Variants in DCC observed in about 807,000 individuals in gnomAD.
The protein encoded by DCC is DCC netrin 1 receptor.
Under a neutral mutation model 172.5 loss-of-function variants are expected in DCC, and 58 were observed. That is an observed-to-expected ratio of 0.34 (90% CI 0.27 to 0.42). The LOEUF (loss-of-function observed/expected upper bound fraction) is 0.42, where lower values mean the gene tolerates loss of function less well. Among genes scored for constraint, DCC ranks in the 10% least tolerant of loss-of-function variants. The probability of loss-of-function intolerance (pLI) is 1.00; values close to 1 mark genes in which losing one functional copy is unlikely to be tolerated. For synonymous variants in DCC, 709 were observed against 644.5 expected (o/e 1.10, Z -1.52); for missense variants, 1,740 against 1,791.0 (o/e 0.97, Z 0.51).
At chr18:53,465,925 C>T (rs1046186179) in intron 24 of DCC, among the ~76,000 whole-genome samples, 7 of 151,858 alleles carry the variant, frequency 4.6e-5, no homozygotes, top group Admixed American at 1.3e-4. Flanking sequence ...CCACCACTCC[C>T]GGCTAATTTT....
At chr18:53,215,380 A>T (rs1170628677) in intron 11 of DCC, among the ~76,000 whole-genome samples, 168 bp from the exon 12 acceptor site, 1 of 152,092 alleles carries the variant, frequency 6.6e-6, no homozygotes, top group East Asian at 1.9e-4. Context: ...AGACAAATAC[A>T]GTTATTTTTC....
chr18:52,602,952 C>T (rs138751104), intron 1 of DCC, among the ~76,000 whole-genome samples: 12 of 152,108 alleles, frequency 7.9e-5, no homozygotes, highest in South Asian at 2.1e-4. Flanking sequence ...AGAGGATAGA[C>T]GGGCTTTTCC....
intron 15 of DCC, among the ~76,000 whole-genome samples, chr18:53,348,202 AC>A (rs1285754712): frequency 2.0e-5 from 3 of 152,192 alleles, no homozygotes; most frequent in African/African-American, 4.8e-5. Context: ...CAATGCAGGG[AC>A]AGACATCGGG....
intron 1 of DCC, among the ~76,000 whole-genome samples, chr18:52,516,632 G>C (rs1002834553): frequency 6.6e-6 from 1 of 152,180 alleles, no homozygotes; most frequent in South Asian, 2.1e-4. Context: ...ACGTTATATA[G>C]TATTAATGAT....
intron 1 of DCC, among the ~76,000 whole-genome samples, chr18:52,573,426 G>A (rs2033345259): frequency 6.6e-6 from 1 of 152,098 alleles, no homozygotes; most frequent in South Asian, 2.1e-4. Context: ...AGGTGTCAAG[G>A]ATTTAACAAT....
At chr18:53,199,498 T>A (rs1454767403) in intron 9 of DCC, among the ~76,000 whole-genome samples, 1 of 152,150 alleles carries the variant, frequency 6.6e-6, no homozygotes, top group East Asian at 1.9e-4. Flanking sequence ...TAAAATATAC[T>A]TTATGGATAT....
intron 1 of DCC, among the ~76,000 whole-genome samples, chr18:52,649,372 C>CAAAAAAA (rs74178677): frequency 8.1e-6 from 1 of 124,052 alleles, no homozygotes. Flanking sequence ...GATTCCGTAT[C>CAAAAAAA]AAAAAAAAAA....
chr18:53,146,680 C>G (rs12970087), intron 7 of DCC, among the ~76,000 whole-genome samples: 2,710 of 152,278 alleles, frequency 0.018, 49 homozygotes, highest in East Asian at 0.11. Flanking sequence ...AAAAAGGTCA[C>G]TGATTATACA....
intron 5 of DCC, among the ~76,000 whole-genome samples, chr18:53,010,439 C>T (rs2041710984): frequency 6.6e-6 from 1 of 151,654 alleles, no homozygotes; most frequent in Non-Finnish European, 1.5e-5. Flanking sequence ...CTAAGCCAGA[C>T]TTCTTTGTCG....
intron 1 of DCC, among the ~76,000 whole-genome samples, chr18:52,498,132 C>T (rs570576285): frequency 6.6e-6 from 1 of 151,142 alleles, no homozygotes; most frequent in South Asian, 2.1e-4. Flanking sequence ...TTCTTTTTTT[C>T]CCCAATTATT....
At chr18:52,867,028 G>T (rs1244215860) in intron 2 of DCC, among the ~76,000 whole-genome samples, 1 of 152,092 alleles carries the variant, frequency 6.6e-6, no homozygotes, top group African/African-American at 2.4e-5. Flanking sequence ...GTCATAAATA[G>T]CTCTTATTAT....
intron 2 of DCC, among the ~76,000 whole-genome samples, chr18:52,765,023 CT>C (rs963400763): frequency 3.5e-5 from 5 of 142,442 alleles, no homozygotes; most frequent in Admixed American, 1.3e-4. Context: ...ATTTTCTTTT[CT>C]TTTTTTTCTT....
chr18:52,536,181 A>G (rs1476596394), intron 1 of DCC, among the ~76,000 whole-genome samples: 2 of 152,100 alleles, frequency 1.3e-5, no homozygotes, highest in Non-Finnish European at 2.9e-5. Context: ...GGAAGGAGGA[A>G]ATGGAACCAT....
At chr18:52,732,778 T>A (rs1246464039) in intron 1 of DCC, among the ~76,000 whole-genome samples, 1 of 152,152 alleles carries the variant, frequency 6.6e-6, no homozygotes, top group Non-Finnish European at 1.5e-5. Flanking sequence ...AAAATCAACA[T>A]AACAATAATC....
intron 12 of DCC, among the ~76,000 whole-genome samples, chr18:53,246,646 A>G (rs1348519948): frequency 6.6e-6 from 1 of 152,138 alleles, no homozygotes; most frequent in Non-Finnish European, 1.5e-5. Context: ...CAGAACTGCT[A>G]TGAGAATTCA....
chr18:52,378,993 A>C lies in DCC; in HGVS notation c.91+38115A>C, dbSNP rs541138661. Reference sequence around the variant, plus strand: ...ACGTGCCCTTGTTGTAGGAAAGGTAAAGTATAGGTACAAACCAGTTTATTT... The same window carrying C: ...ACGTGCCCTTGTTGTAGGAAAGGTACAGTATAGGTACAAACCAGTTTATTT... On this transcript the variant is annotated intron_variant, in intron 1 of 28. Coordinates refer to ENST00000442544, the MANE Select transcript of DCC (RefSeq NM_005215.4). Among the ~76,000 whole-genome samples, 208 of 152,290 alleles carry C rather than the reference A, an allele frequency of 1.4e-3. 2 individuals carry two copies. Among genetic ancestry groups the C allele is most frequent in the Non-Finnish European group, 1.5e-3 (100 of 68,010 alleles).
intron 9 of DCC, among the ~76,000 whole-genome samples, chr18:53,188,237 G>T (rs946710743): frequency 2.0e-5 from 3 of 152,186 alleles, no homozygotes; most frequent in African/African-American, 7.2e-5. Flanking sequence ...GAATACGTCA[G>T]TGCATTAGTG....
intron 2 of DCC, among the ~76,000 whole-genome samples, chr18:52,893,544 C>T (rs1404838433): frequency 6.6e-6 from 1 of 152,020 alleles, no homozygotes; most frequent in Non-Finnish European, 1.5e-5. Flanking sequence ...AAATGTCTTG[C>T]CAAGTTTCTT....
chr18:52,763,618 T>C (rs1290314084), intron 2 of DCC, among the ~76,000 whole-genome samples: 2 of 152,250 alleles, frequency 1.3e-5, no homozygotes, highest in Non-Finnish European at 2.9e-5. Context: ...TTTGTTTTTA[T>C]TGGGAAATAG....
Sources: gnomAD v4.1 joint callset for allele counts (sites outside exome capture counted in the v4.1 genomes callset) on GRCh38, gnomAD v4.1.1 for gene constraint, MANE v1.5 for transcripts, NCBI Gene and HGNC (gene_info 2026-07-23, HGNC 2026-07-21) for gene names.